NAV3: variants seen among roughly 807,000 people sequenced by gnomAD.
NAV3 encodes neuron navigator 3, also known as pore membrane and/or filament interacting like protein 1.
NAV3 carries 87 observed loss-of-function variants against 244.7 expected under a neutral mutation model. The observed-to-expected ratio is 0.36, with a 90% CI of 0.30 to 0.42. The LOEUF (loss-of-function observed/expected upper bound fraction) is 0.42, where lower values mean the gene tolerates loss of function less well. Among genes scored for constraint, NAV3 ranks in the 20% least tolerant of loss-of-function variants. The pLI is 1.00. For missense variants in NAV3, 2,663 were observed against 2,893.3 expected (o/e 0.92, Z 1.83); for synonymous variants, 1,126 against 1,042.2 (o/e 1.08, Z -1.55).
intron 1 of NAV3, among the ~76,000 whole-genome samples, chr12:77,926,322 T>G (rs1196536122): frequency 2.6e-5 from 4 of 152,172 alleles, no homozygotes; most frequent in Non-Finnish European, 4.4e-5. Context: ...AACATAGGAA[T>G]GAATGCTTTG....
intron 1 of NAV3, among the ~76,000 whole-genome samples, chr12:77,847,571 G>T (rs1876851118): frequency 1.3e-5 from 2 of 152,156 alleles, no homozygotes; most frequent in Non-Finnish European, 2.9e-5. Flanking sequence ...AATGGAGAGT[G>T]CCCCAGGTGC....
At chr12:77,682,693 A>G (rs940113180) in intron 2 of NAV3, among the ~76,000 whole-genome samples, 3 of 152,174 alleles carry the variant, frequency 2.0e-5, no homozygotes, top group Admixed American at 6.6e-5. Flanking sequence ...GATAATAGTC[A>G]TTCTAATAGT....
chr12:77,779,345 A>G (rs1026057010), intron 2 of NAV3, among the ~76,000 whole-genome samples: 3 of 152,240 alleles, frequency 2.0e-5, no homozygotes, highest in African/African-American at 7.2e-5. Flanking sequence ...ACTTATTCCA[A>G]AACCGAGTTC....
At chr12:77,694,579 G>A (rs1727874) in intron 2 of NAV3, among the ~76,000 whole-genome samples, 123,800 of 151,960 alleles carry the variant, frequency 0.81, 52,941 homozygotes, top group East Asian at 1. Context: ...TATAACAGAT[G>A]ACAGCCTACT....
intron 35 of NAV3, among the ~76,000 whole-genome samples, chr12:78,197,834 A>G (rs1287103171): frequency 6.6e-6 from 1 of 151,924 alleles, no homozygotes; most frequent in African/African-American, 2.4e-5. Context: ...ACCAACAACA[A>G]CGTTGGAATA....
chr12:77,920,346 GT>G (rs1887586054), intron 1 of NAV3, among the ~76,000 whole-genome samples: 1 of 151,802 alleles, frequency 6.6e-6, no homozygotes, highest in African/African-American at 2.4e-5. Context: ...AAATTAACCA[GT>G]TTTATTTTGT....
intron 3 of NAV3, among the ~76,000 whole-genome samples, chr12:77,964,319 A>G (rs1205730559): frequency 6.6e-6 from 1 of 152,192 alleles, no homozygotes; most frequent in Non-Finnish European, 1.5e-5. Context: ...AACATTTTGT[A>G]GCAAATCACA....
chr12:77,688,782 C>G (rs759743181), intron 2 of NAV3, among the ~76,000 whole-genome samples: 4 of 151,754 alleles, frequency 2.6e-5, no homozygotes, highest in Admixed American at 6.6e-5. Flanking sequence ...CTCTAAAAAA[C>G]GAGAAATTCA....
intron 3 of NAV3, among the ~76,000 whole-genome samples, chr12:77,956,033 A>G (rs904492884): frequency 6.6e-6 from 1 of 152,102 alleles, no homozygotes; most frequent in Non-Finnish European, 1.5e-5. Context: ...TTGATGAACC[A>G]ATAATTGTTA....
chr12:77,769,549 T>C (rs1049691230), intron 2 of NAV3, among the ~76,000 whole-genome samples: 1 of 152,250 alleles, frequency 6.6e-6, no homozygotes, highest in Non-Finnish European at 1.5e-5. Flanking sequence ...GAGTAAATAG[T>C]ATCAAACAAA....
chr12:77,584,370 AAAGAT>A (rs1298115181), intron 2 of NAV3, among the ~76,000 whole-genome samples: 3 of 152,234 alleles, frequency 2.0e-5, no homozygotes, highest in Non-Finnish European at 2.9e-5. Context: ...GGTAAACAAA[AAAGAT>A]AAGCTAAACA....
intron 2 of NAV3, among the ~76,000 whole-genome samples, chr12:77,704,900 T>G (rs1196683239): frequency 2.6e-5 from 4 of 152,218 alleles, no homozygotes. Context: ...TCCCCTAGGA[T>G]ATTGGAATTT....
At chr12:78,171,200 A>T (rs1957985408) in intron 24 of NAV3, among the ~76,000 whole-genome samples, 1 of 151,708 alleles carries the variant, frequency 6.6e-6, no homozygotes, top group Non-Finnish European at 1.5e-5. Flanking sequence ...GGAGTGATTT[A>T]TGTGATGCAT....
intron 1 of NAV3, among the ~76,000 whole-genome samples, chr12:77,891,252 T>C (rs1883901167): frequency 6.7e-6 from 1 of 149,588 alleles, no homozygotes; most frequent in Admixed American, 6.7e-5. Context: ...TAAAGATAAA[T>C]ACATTTATAA....
rs557392898 is a variant in NAV3, at chr12:78,125,345, AT to A, written c.4239-1817del. Among the ~76,000 whole-genome samples the A allele has an allele frequency of 4.6e-5, 7 of 152,026 alleles. No individual in the cohort carries two copies. The East Asian group carries it at 1.4e-3, about 29-fold the overall frequency. Reference sequence around the variant, plus strand: ...TCGGTAGCTTTTCCTATAGATTTTAATTTTTGTTTAAATTCCTCTTCATTAA... The same window carrying A: ...TCGGTAGCTTTTCCTATAGATTTTAATTTTGTTTAAATTCCTCTTCATTAA... On this transcript the variant is annotated intron_variant, in intron 16 of 39. Transcript: ENST00000397909.
intron 2 of NAV3, among the ~76,000 whole-genome samples, chr12:77,611,240 T>C (rs1350487994): frequency 6.6e-6 from 1 of 152,012 alleles, no homozygotes; most frequent in African/African-American, 2.4e-5. Flanking sequence ...AGCAATTTTG[T>C]TTTCTAATTT....
At chr12:77,737,057 G>A (rs1288405604) in intron 2 of NAV3, among the ~76,000 whole-genome samples, 2 of 151,876 alleles carry the variant, frequency 1.3e-5, no homozygotes, top group Non-Finnish European at 2.9e-5. Flanking sequence ...GGATATAGGG[G>A]AAAAGAAAAA....
chr12:78,063,099 T>G (rs1884538562), intron 12 of NAV3, among the ~76,000 whole-genome samples: 1 of 152,072 alleles, frequency 6.6e-6, no homozygotes, highest in South Asian at 2.1e-4. Context: ...ACAACTGAAT[T>G]CCTCTTACCA....
At chr12:77,820,109 T>C (rs911636474) in intron 2 of NAV3, among the ~76,000 whole-genome samples, 3 of 148,680 alleles carry the variant, frequency 2.0e-5, no homozygotes, top group African/African-American at 7.4e-5. Flanking sequence ...TGTGTGTGTG[T>C]GCACACGCAC....
Sources: gnomAD v4.1 joint callset for allele counts (sites outside exome capture counted in the v4.1 genomes callset) on GRCh38, gnomAD v4.1.1 for gene constraint, MANE v1.5 for transcripts, NCBI Gene and HGNC (gene_info 2026-07-23, HGNC 2026-07-21) for gene names.